The following SNTN variants were observed in gnomAD, a reference collection of about 807,000 sequenced individuals.
SNTN encodes sentan.
SNTN carries 13 observed loss-of-function variants against 12.3 expected under a neutral mutation model. The observed-to-expected ratio is 1.05, with a 90% CI of 0.69 to 1.67. The LOEUF is 1.67. SNTN is among the 40% of genes most tolerant of loss of function. SNTN has a pLI of 0.00. For missense variants in SNTN, 189 were observed against 169.8 expected, an observed-to-expected ratio of 1.11 and a Z score of -0.63; for synonymous variants, 69 against 58.5, an observed-to-expected ratio of 1.18 and a Z score of -0.82.
chr3:63,659,603 T>C (rs1419890787), intron 2 of SNTN, 122 bp from the exon 3 acceptor site: 4 of 1,074,110 alleles, frequency 3.7e-6, no homozygotes, highest in Non-Finnish European at 5.4e-6. Flanking sequence ...TTCTCCCAGA[T>C]AGGAGGCAAA....
Position 63,652,750 on chromosome 3 carries a change from T to G in SNTN, c.63T>G (p.Pro21=), listed in dbSNP as rs765896652. The G allele has an allele frequency of 1.2e-6, 2 of 1,614,084 alleles. No individual in the cohort carries two copies. The highest frequency in any genetic ancestry group is 1.7e-6 in the Non-Finnish European group (2 of 1,179,970). Residue 21 remains proline (P), a synonymous_variant, in exon 1 of 4, where the codon CCT becomes CCG. Coordinates refer to ENST00000343837, the MANE Select transcript of SNTN (RefSeq NM_001080537.2). The stretch of plus-strand genomic sequence containing the variant: ...TCCACTTGGAAGGAGATCCCAATCC[T>G]TCTGCAGCCCCAACATCCACCTGCG... ...KSLHLEGDPN[P]SAAPTSTCAP...
Position 63,664,235 on chromosome 3 carries a change from C to A in SNTN, c.*140C>A. The A allele has an allele frequency of 1.4e-6, 1 of 723,338 alleles. No homozygotes were observed. The highest frequency in any genetic ancestry group is 2.2e-6 in the Non-Finnish European group (1 of 454,644). The allele number at this position is 723,338 out of a possible 1,614,324, so 44.8% of individuals were successfully genotyped here. A position where few individuals can be genotyped will look rare whatever the true frequency, so the allele number is the denominator to read the frequency against. On this transcript the variant is annotated 3_prime_UTR_variant, in exon 4 of 4. Transcript: ENST00000343837. Reference sequence around the variant, plus strand: ...GGTTCTGATTGCTGGTATTCAGATCCAATGTAACTCCAAATATTTACCCAT... The same window carrying A: ...GGTTCTGATTGCTGGTATTCAGATCAAATGTAACTCCAAATATTTACCCAT...
In SNTN at chr3:63,661,446, G is replaced by C. The variant is rs555164988; in HGVS notation, c.285+1582G>C. ...CAGTTATATAAGATGTCACCCACTGGGGGGAGCTAAGTCAAGGGTACAACT... is the reference window on the plus strand; with the variant it reads ...CAGTTATATAAGATGTCACCCACTGCGGGGAGCTAAGTCAAGGGTACAACT... On this transcript the variant is annotated intron_variant, in intron 3 of 3. Coordinates refer to ENST00000343837, the MANE Select transcript of SNTN (RefSeq NM_001080537.2). Among the ~76,000 whole-genome samples the C allele has an allele frequency of 1.4e-4, 22 of 152,174 alleles. No individual in the cohort carries two copies. In the South Asian group the frequency reaches 3.3e-3, roughly 23 times the overall value.
intron 1 of SNTN, among the ~76,000 whole-genome samples, chr3:63,653,922 A>C (rs371108387): frequency 6.6e-6 from 1 of 152,048 alleles, no homozygotes; most frequent in Non-Finnish European, 1.5e-5. Flanking sequence ...CACCCACACT[A>C]TACCTCCTCT....
Position 63,653,156 on chromosome 3 carries a change from G to A in SNTN, c.110+359G>A, listed in dbSNP as rs3796379. Among the ~76,000 whole-genome samples the A allele has an allele frequency of 1.1e-3, 169 of 152,238 alleles. 5 individuals carry two copies. In the East Asian group the frequency reaches 0.026, roughly 24 times the overall value. On this transcript the variant is annotated intron_variant, in intron 1 of 3. Transcript: ENST00000343837. ...AAGTTATGTTTAATAAGTGAAAAATGTTCTTTCTCATATAATTTCATTTAG... is the reference window on the plus strand; with the variant it reads ...AAGTTATGTTTAATAAGTGAAAAATATTCTTTCTCATATAATTTCATTTAG...
At chr3:63,657,779 G>A (rs918816167) in intron 2 of SNTN, among the ~76,000 whole-genome samples, 1 of 152,150 alleles carries the variant, frequency 6.6e-6, no homozygotes, top group Non-Finnish European at 1.5e-5. Context: ...ATACTCCTAA[G>A]TGGCTAATCT....
intron 2 of SNTN, among the ~76,000 whole-genome samples, chr3:63,658,668 G>A: frequency 6.6e-6 from 1 of 151,958 alleles, no homozygotes. Flanking sequence ...CTTCCAAAGT[G>A]CTGGGATTAC....
At position 63,659,752 on chromosome 3, in the gene SNTN, A is replaced by C; in HGVS notation, c.173A>C (p.Lys58Thr). The C allele has an allele frequency of 6.2e-7, 1 of 1,613,958 alleles. No homozygotes were observed. Among genetic ancestry groups the C allele is most frequent in the South Asian group, 1.1e-5 (1 of 91,066 alleles). ...KALRKCSDLE[K>T]AIATTALIFR... is the part of the protein sequence containing the mutation. ...CTGAGGAAGTGCTCAGATCTGGAAA[A>C]AGCTATTGCCACCACTGCTCTGATT... The change falls in exon 3 of 4, where the codon AAA (lysine) becomes ACA (threonine). Residue 58 changes from lysine to threonine, a missense_variant. Transcript: ENST00000343837.
chr3:63,658,500 CTTGA>C (rs1281244410), intron 2 of SNTN, among the ~76,000 whole-genome samples: 1 of 151,374 alleles, frequency 6.6e-6, no homozygotes, highest in Non-Finnish European at 1.5e-5. Context: ...TATACATACT[CTTGA>C]TTATTATTGA....
chr3:63,654,649 G>A, intron 1 of SNTN, 113 bp from the exon 2 acceptor site: 2 of 911,598 alleles, frequency 2.2e-6, no homozygotes, highest in Middle Eastern at 2.3e-4. Flanking sequence ...TAAAATCTCA[G>A]AGAATGTTTA....
chr3:63,653,516 A>G (rs527765930), intron 1 of SNTN, among the ~76,000 whole-genome samples: 1 of 152,164 alleles, frequency 6.6e-6, no homozygotes, highest in Non-Finnish European at 1.5e-5. Context: ...GAAAAAAATG[A>G]GGAACCCCTA....
intron 2 of SNTN, among the ~76,000 whole-genome samples, chr3:63,657,453 A>G (rs1269992817): frequency 6.6e-6 from 1 of 152,232 alleles, no homozygotes; most frequent in Non-Finnish European, 1.5e-5. Flanking sequence ...TGCTGGGTTT[A>G]TTAAGGGAAG....
chr3:63,657,925 C>T (rs949921375), intron 2 of SNTN, among the ~76,000 whole-genome samples: 50 of 152,176 alleles, frequency 3.3e-4, no homozygotes, highest in African/African-American at 1.2e-3. Context: ...CACACACTTC[C>T]TCCTTTCACC....
At chr3:63,657,222 C>A (rs1379546770) in intron 2 of SNTN, among the ~76,000 whole-genome samples, 7 of 152,110 alleles carry the variant, frequency 4.6e-5, no homozygotes, top group African/African-American at 1.7e-4. Flanking sequence ...TATTAAAGTA[C>A]TGACAGTGAG....
chr3:63,656,294 T>C (rs1700679113), intron 2 of SNTN, among the ~76,000 whole-genome samples: 3 of 152,122 alleles, frequency 2.0e-5, no homozygotes, highest in African/African-American at 7.2e-5. Flanking sequence ...AACACATGTA[T>C]AGTGAAGCCT....
chr3:63,661,782 C>T (rs147293675), intron 3 of SNTN, among the ~76,000 whole-genome samples: 1 of 151,936 alleles, frequency 6.6e-6, no homozygotes, highest in East Asian at 1.9e-4. Flanking sequence ...TTGCCCACAT[C>T]CAAGGCCAAA....
At chr3:63,661,224 A>G (rs1384226813) in intron 3 of SNTN, among the ~76,000 whole-genome samples, 2 of 152,240 alleles carry the variant, frequency 1.3e-5, no homozygotes, top group African/African-American at 4.8e-5. Context: ...ATACCAGCCT[A>G]GGGAAAATGT....
chr3:63,660,492 T>A (rs2106942858), intron 3 of SNTN, among the ~76,000 whole-genome samples: 1 of 152,120 alleles, frequency 6.6e-6, no homozygotes, highest in East Asian at 1.9e-4. Context: ...GGGGAGGCAA[T>A]TCAAGAGAAA....
In SNTN at chr3:63,659,711, T is replaced by G. The variant is rs1237963008; in HGVS notation, c.146-14T>G. The G allele has an allele frequency of 6.2e-7, 1 of 1,613,486 alleles. No homozygotes were observed. The highest frequency in any genetic ancestry group is 1.3e-5 in the African/African-American group (1 of 74,880). On this transcript the variant is annotated splice_polypyrimidine_tract_variant and intron_variant, in intron 2 of 3. Coordinates refer to ENST00000343837, the MANE Select transcript of SNTN (RefSeq NM_001080537.2). ...TAACTCAGGATACTTTATTCCACAT[T>G]TCTTCTCTCCTAGCTCTGAGGAAGT...
Sources: allele counts gnomAD v4.1 joint callset (sites outside exome capture counted in the v4.1 genomes callset), GRCh38; gene constraint gnomAD v4.1.1; transcripts MANE v1.5; gene names NCBI Gene and HGNC (gene_info 2026-07-23, HGNC 2026-07-21).